Variants in UCN3 observed in about 807,000 individuals in gnomAD.
The protein encoded by UCN3 is urocortin 3, also known as urocortin-3.
UCN3 carries 3 observed loss-of-function variants against 3.6 expected under a neutral mutation model. The observed-to-expected ratio is 0.83, with a 90% CI of 0.38 to 2.15. UCN3 has a LOEUF of 2.15. Ranked by LOEUF, UCN3 falls within the 30% of genes most tolerant of loss-of-function variation. The pLI, the probability that UCN3 is intolerant of heterozygous loss-of-function variation, is 0.06. For missense variants in UCN3, 206 were observed against 208.3 expected, an observed-to-expected ratio of 0.99 and a Z score of 0.07; for synonymous variants, 100 against 93.2, an observed-to-expected ratio of 1.07 and a Z score of -0.42.
chr10:5,370,816 TG>T, intron 1 of UCN3, among the ~76,000 whole-genome samples: 1 of 101,508 alleles, frequency 9.9e-6, no homozygotes, highest in Non-Finnish European at 2.0e-5. Flanking sequence ...TGTGTGTGCG[TG>T]TGTGTGCGCG....
At chr10:5,373,120 C>A (rs1554811689) in intron 1 of UCN3, among the ~76,000 whole-genome samples, 1 of 152,166 alleles carries the variant, frequency 6.6e-6, no homozygotes, top group African/African-American at 2.4e-5. Flanking sequence ...ATCATAAAGT[C>A]TACAGTAAAA....
At chr10:5,370,979 CA>C (rs1554811467) in intron 1 of UCN3, among the ~76,000 whole-genome samples, 1 of 147,830 alleles carries the variant, frequency 6.8e-6, no homozygotes, top group Non-Finnish European at 1.5e-5. Flanking sequence ...TATGTATGTA[CA>C]TGTGAGGTAT....
At chr10:5,372,356 G>A (rs1262457764) in intron 1 of UCN3, among the ~76,000 whole-genome samples, 4 of 152,204 alleles carry the variant, frequency 2.6e-5, no homozygotes, top group Non-Finnish European at 2.9e-5. Context: ...GGAGCCCGGC[G>A]GGAGGGTGCA....
intron 1 of UCN3, among the ~76,000 whole-genome samples, chr10:5,371,181 A>G (rs575701945): frequency 1.4e-5 from 2 of 147,124 alleles, no homozygotes; most frequent in African/African-American, 5.1e-5. Context: ...ATGTATGTGC[A>G]TATGTGTACG....
intron 1 of UCN3, among the ~76,000 whole-genome samples, chr10:5,371,462 G>T (rs1242835589): frequency 1.3e-5 from 2 of 152,084 alleles, no homozygotes; most frequent in African/African-American, 4.8e-5. Flanking sequence ...TGTTTCCAGG[G>T]TAAGTGAAGC....
Position 5,370,007 on chromosome 10 carries a change from ATG to A in UCN3, c.-6-3700_-6-3699del, listed in dbSNP as rs1175519912. ...TGTATATGTGTGTATGTGTGTGTGT[ATG>A]TGTGTGTATATGTGTGTGTATATGC... On this transcript the variant is annotated intron_variant, in intron 1 of 1. Coordinates refer to ENST00000380433, the MANE Select transcript of UCN3 (RefSeq NM_053049.4). Among the ~76,000 whole-genome samples the A allele has an allele frequency of 1.9e-3, 67 of 34,992 alleles. 10 individuals carry two copies. The highest frequency in any genetic ancestry group is 3.0e-3 in the Non-Finnish European group (52 of 17,422). The allele number at this position is 34,992 out of a possible 152,430, so 23.0% of individuals were successfully genotyped here.
intron 1 of UCN3, 105 bp from the exon 2 acceptor site, chr10:5,373,610 C>T (rs1442407878): frequency 6.6e-7 from 1 of 1,504,350 alleles, no homozygotes; most frequent in Admixed American, 2.2e-5. Flanking sequence ...CTTGGAGAAC[C>T]CTTGTAGTGG....
At chr10:5,370,639 GTGTA>G (rs1325876444) in intron 1 of UCN3, among the ~76,000 whole-genome samples, 1 of 93,002 alleles carries the variant, frequency 1.1e-5, no homozygotes, top group Admixed American at 1.2e-4. Context: ...GTGTATGTGT[GTGTA>G]TATGTGTGTG....
At chr10:5,373,232 G>A (rs751300108) in intron 1 of UCN3, among the ~76,000 whole-genome samples, 5 of 152,154 alleles carry the variant, frequency 3.3e-5, no homozygotes, top group Admixed American at 2.0e-4. Context: ...TTGACTAGAC[G>A]CCCAGCCATG....
chr10:5,365,911 A>G lies in UCN3; in HGVS notation c.-7+681A>G, dbSNP rs1834113048. Among the ~76,000 whole-genome samples, 1 of 152,192 alleles carries G rather than the reference A, an allele frequency of 6.6e-6. No individual in the cohort carries two copies. Among genetic ancestry groups the G allele is most frequent in the Non-Finnish European group, 1.5e-5 (1 of 68,034 alleles). On this transcript the variant is annotated intron_variant, in intron 1 of 1. Coordinates refer to ENST00000380433, the MANE Select transcript of UCN3 (RefSeq NM_053049.4). This position sits in a 1 kb window ranked among gnomAD's most constrained non-coding sequence, Gnocchi z 4.4. ...CAGATACCTACAATGGCTAACTCCT[A>G]CCTGTGAAGGGGAGATGGATGTTTG...
intron 1 of UCN3, among the ~76,000 whole-genome samples, chr10:5,370,527 GTGTGTGTATATGCGTGTATA>G (rs1178011058): frequency 1.8e-5 from 2 of 111,804 alleles, no homozygotes; most frequent in Admixed American, 1.0e-4. Flanking sequence ...GTGTGTATGT[GTGTGTGTATATGCGTGTATA>G]TGTGTGTATA....
At chr10:5,369,988 T>C (rs1367639957) in intron 1 of UCN3, among the ~76,000 whole-genome samples, 1 of 55,480 alleles carries the variant, frequency 1.8e-5, no homozygotes, top group Non-Finnish European at 3.6e-5. Flanking sequence ...CGTGTGTATA[T>C]GTGTGTATGT....
Position 5,365,803 on chromosome 10 carries a change from G to A in UCN3, c.-7+573G>A, listed in dbSNP as rs1487753622. On this transcript the variant is annotated intron_variant, in intron 1 of 1. Transcript: ENST00000380433. This position sits in a 1 kb window ranked among gnomAD's most constrained non-coding sequence, Gnocchi z 4.4. Reference sequence around the variant, plus strand: ...AGGGATTCACCCAAGAAAAGTCAGAGGCAAGGGAGTTTCCCCAGCCAGGTC... The same window carrying A: ...AGGGATTCACCCAAGAAAAGTCAGAAGCAAGGGAGTTTCCCCAGCCAGGTC... 6.6e-6 allele frequency among the ~76,000 whole-genome samples: 1 copy of A among 152,186 alleles called. No homozygotes were observed. The highest frequency in any genetic ancestry group is 6.5e-5 in the Admixed American group (1 of 15,276).
At chr10:5,370,743 T>C (rs1395687920) in intron 1 of UCN3, among the ~76,000 whole-genome samples, 1 of 129,380 alleles carries the variant, frequency 7.7e-6, no homozygotes, top group Admixed American at 8.1e-5. Flanking sequence ...TATATGTGTG[T>C]GTATATGATG....
In UCN3 at chr10:5,370,850, C is replaced by CACATGTGTGT. The variant is rs1554811416; in HGVS notation, c.-6-2865_-6-2864insACATGTGTGT. ...GCGCGTGTGTGTGCGCGTGTGTGTGCGCGTGTGTGTGCGTGTGTATGTGTG... is the reference window on the plus strand; with the variant it reads ...GCGCGTGTGTGTGCGCGTGTGTGTGCACATGTGTGTGCGTGTGTGTGCGTGTGTATGTGTG... On this transcript the variant is annotated intron_variant, in intron 1 of 1. Transcript: ENST00000380433. 7.5e-3 allele frequency among the ~76,000 whole-genome samples: 478 copies of CACATGTGTGT among 63,690 alleles called. 49 individuals are homozygous for CACATGTGTGT. The highest frequency in any genetic ancestry group is 7.9e-3 in the Non-Finnish European group (261 of 33,006). 41.8% of individuals were successfully genotyped at this position (63,690 alleles called of 152,430 possible).
rs1831406812 is a variant in UCN3, at chr10:5,370,862, CGTGTGTATGTGTGTGTATATGCGT to C, written c.-6-2848_-6-2825del. Among the ~76,000 whole-genome samples the C allele has an allele frequency of 3.5e-4, 16 of 45,382 alleles. 1 individual carries two copies. In the South Asian group the frequency reaches 0.014, roughly 40 times the overall value. 29.8% of individuals were successfully genotyped at this position (45,382 alleles called of 152,430 possible). On this transcript the variant is annotated intron_variant, in intron 1 of 1. Coordinates refer to ENST00000380433, the MANE Select transcript of UCN3 (RefSeq NM_053049.4). ...GCGCGTGTGTGTGCGCGTGTGTGTG[CGTGTGTATGTGTGTGTATATGCGT>C]GTGTATATGCGTGTGTATATGCGTG...
At chr10:5,370,229 G>A (rs1554811153) in intron 1 of UCN3, among the ~76,000 whole-genome samples, 1 of 100,152 alleles carries the variant, frequency 1.0e-5, no homozygotes, top group Non-Finnish European at 2.0e-5. Flanking sequence ...GTATGTGCGT[G>A]TGTGTATGCG....
In UCN3 at chr10:5,366,444, A is replaced by C. The variant is rs1331095869; in HGVS notation, c.-7+1214A>C. On this transcript the variant is annotated intron_variant, in intron 1 of 1. Coordinates refer to ENST00000380433, the MANE Select transcript of UCN3 (RefSeq NM_053049.4). The surrounding 1 kb of genome is among the most constrained non-coding windows in gnomAD (Gnocchi z 4.2). ...AAACTTTTGTGCTGTTTCACCAAGA[A>C]TATGGCAGAAGAGTCCAAGGAATGT... 6.6e-6 allele frequency among the ~76,000 whole-genome samples: 1 copy of C among 152,228 alleles called. No homozygotes were observed. The highest frequency in any genetic ancestry group is 1.5e-5 in the Non-Finnish European group (1 of 68,030).
chr10:5,370,019 A>G (rs1270598866), intron 1 of UCN3, among the ~76,000 whole-genome samples: 12 of 80,336 alleles, frequency 1.5e-4, no homozygotes, highest in Admixed American at 2.5e-4. Flanking sequence ...GTGTGTGTAT[A>G]TGTGTGTGTA....
Sources: gnomAD v4.1 joint callset for allele counts (sites outside exome capture counted in the v4.1 genomes callset) on GRCh38, gnomAD v4.1.1 for gene constraint, Gnocchi (gnomAD v3.1) non-coding constraint, MANE v1.5 for transcripts, NCBI Gene and HGNC (gene_info 2026-07-23, HGNC 2026-07-21) for gene names.